BMPER: variants seen among roughly 807,000 people sequenced by gnomAD.
The protein encoded by BMPER is BMP-binding endothelial regulator protein.
In BMPER, 45 loss-of-function variants were observed where a neutral mutation model predicts 87.3. That is an observed-to-expected ratio of 0.52 (90% CI 0.41 to 0.66). The LOEUF is 0.66. Among genes scored for constraint, BMPER ranks in the 30% least tolerant of loss-of-function variants. The pLI is 0.00. For synonymous variants in BMPER, 326 were observed against 316.2 expected (o/e 1.03, Z -0.33); for missense variants, 784 against 867.5 (o/e 0.90, Z 1.21).
At chr7:34,000,452 G>A (rs1032136299) in intron 6 of BMPER, among the ~76,000 whole-genome samples, 5 of 152,038 alleles carry the variant, frequency 3.3e-5, no homozygotes, top group East Asian at 1.9e-4. Context: ...AAATTTCCTA[G>A]TGTGTATTAT....
At chr7:34,090,250 AGTGTACT>A (rs758227410) in intron 13 of BMPER, among the ~76,000 whole-genome samples, 1 of 152,222 alleles carries the variant, frequency 6.6e-6, no homozygotes, top group Non-Finnish European at 1.5e-5. Flanking sequence ...CTGGAGAGGC[AGTGTACT>A]GTGTACCCAC....
chr7:34,104,275 G>A (rs572738310), intron 13 of BMPER, among the ~76,000 whole-genome samples: 3 of 152,184 alleles, frequency 2.0e-5, no homozygotes, highest in East Asian at 1.9e-4. Flanking sequence ...ATATACTACC[G>A]TGATTCCTCT....
chr7:34,130,149 G>A (rs1314127368), intron 13 of BMPER, among the ~76,000 whole-genome samples: 2 of 151,140 alleles, frequency 1.3e-5, no homozygotes, highest in Admixed American at 1.3e-4. Context: ...TTCCTTCCCC[G>A]CTTTGATGCA....
chr7:34,017,227 C>T (rs973570372), intron 6 of BMPER, among the ~76,000 whole-genome samples: 2 of 151,754 alleles, frequency 1.3e-5, no homozygotes, highest in African/African-American at 4.8e-5. Context: ...AAAGTGCTGC[C>T]TTGTCATGCT....
chr7:34,150,251 C>T (rs1308334508), intron 14 of BMPER, among the ~76,000 whole-genome samples: 3 of 152,318 alleles, frequency 2.0e-5, no homozygotes, highest in South Asian at 2.1e-4. Context: ...GAATGAGTCT[C>T]TGAGTGACTG....
chr7:34,022,032 A>G (rs2127946481), intron 6 of BMPER, among the ~76,000 whole-genome samples: 1 of 152,118 alleles, frequency 6.6e-6, no homozygotes, highest in East Asian at 1.9e-4. Context: ...CAAAAAATTT[A>G]ATAATTGTTC....
At chr7:33,939,601 G>T (rs922151610) in intron 3 of BMPER, among the ~76,000 whole-genome samples, 1 of 152,178 alleles carries the variant, frequency 6.6e-6, no homozygotes. Context: ...GGAGGTAATT[G>T]AATCATGAGG....
chr7:34,059,912 C>A (rs1255134256), intron 10 of BMPER, among the ~76,000 whole-genome samples: 2 of 152,002 alleles, frequency 1.3e-5, no homozygotes, highest in Non-Finnish European at 2.9e-5. Context: ...CTGCAACTCC[C>A]CCAGAGGCAA....
intron 2 of BMPER, among the ~76,000 whole-genome samples, chr7:33,912,841 C>T (rs1169750355): frequency 6.6e-6 from 1 of 152,162 alleles, no homozygotes; most frequent in Non-Finnish European, 1.5e-5. Context: ...CTATAAAACA[C>T]CACTCAAGGC....
intron 13 of BMPER, among the ~76,000 whole-genome samples, chr7:34,136,377 A>T (rs187990050): frequency 6.6e-6 from 1 of 152,204 alleles, no homozygotes; most frequent in Non-Finnish European, 1.5e-5. Context: ...CATTGTTTTC[A>T]TAGGTATAAT....
chr7:33,982,664 T>C (rs1037883701), intron 6 of BMPER, among the ~76,000 whole-genome samples: 1 of 152,184 alleles, frequency 6.6e-6, no homozygotes, highest in Non-Finnish European at 1.5e-5. Context: ...ATAGTTGTGG[T>C]TTACCTGTCA....
intron 6 of BMPER, among the ~76,000 whole-genome samples, chr7:33,974,992 T>C (rs1785648657): frequency 6.6e-6 from 1 of 152,182 alleles, no homozygotes. Flanking sequence ...TTCATGGGCC[T>C]GTCCTGTGTG....
chr7:34,023,072 C>T (rs1282061749), intron 6 of BMPER, among the ~76,000 whole-genome samples: 1 of 152,066 alleles, frequency 6.6e-6, no homozygotes, highest in East Asian at 1.9e-4. Context: ...GAAACATCTT[C>T]TCATGAAAGT....
intron 6 of BMPER, among the ~76,000 whole-genome samples, chr7:34,003,045 A>T (rs578174293): frequency 6.6e-6 from 1 of 151,670 alleles, no homozygotes; most frequent in South Asian, 2.1e-4. Flanking sequence ...TTTTTATCTG[A>T]TGTTTTGCTG....
chr7:34,056,177 G>A (rs1788279499), intron 9 of BMPER, among the ~76,000 whole-genome samples: 1 of 152,194 alleles, frequency 6.6e-6, no homozygotes, highest in South Asian at 2.1e-4. Context: ...TTATAAGTGG[G>A]AGCCAAATGA....
At chr7:33,937,673 A>C (rs1784640426) in intron 3 of BMPER, 4 of 446,544 alleles carry the variant, frequency 9.0e-6, no homozygotes, top group Non-Finnish European at 1.7e-5. Flanking sequence ...CGTAGAGAAG[A>C]GTCAACCACC....
At chr7:33,908,039 A>T (rs1018861161) in intron 2 of BMPER, among the ~76,000 whole-genome samples, 1 of 152,186 alleles carries the variant, frequency 6.6e-6, no homozygotes, top group African/African-American at 2.4e-5. Flanking sequence ...TGACACAATA[A>T]ATATTGCTGC....
At chr7:33,973,885 C>T (rs570484757) in intron 5 of BMPER, among the ~76,000 whole-genome samples, 1 of 152,216 alleles carries the variant, frequency 6.6e-6, no homozygotes, top group East Asian at 1.9e-4. Flanking sequence ...TGCATCGTGC[C>T]ATTTATGACC....
chr7:34,079,110 C>T lies in BMPER; in HGVS notation c.1332C>T (p.Arg444=). Reference sequence around the variant, plus strand: ...TCACCGTGCGCTGGAACGGCTCGCGCATCGCGCTCCCCTGCCGCGCGCCAC... The same window carrying T: ...TCACCGTGCGCTGGAACGGCTCGCGTATCGCGCTCCCCTGCCGCGCGCCAC... The part of the protein sequence containing the change: ...QHLTVRWNGS[R]IALPCRAPHF... Residue 444 remains arginine, a synonymous_variant, in exon 12 of 15, where the codon CGC becomes CGT. Coordinates refer to ENST00000649409, the MANE Select transcript of BMPER (RefSeq NM_001365308.1). The T allele has an allele frequency of 6.2e-7, 1 of 1,613,592 alleles. No individual in the cohort carries two copies. Among genetic ancestry groups the T allele is most frequent in the South Asian group, 1.1e-5 (1 of 91,038 alleles).
Sources: gnomAD v4.1 joint callset for allele counts (sites outside exome capture counted in the v4.1 genomes callset) on GRCh38, gnomAD v4.1.1 for gene constraint, MANE v1.5 for transcripts, NCBI Gene and HGNC (gene_info 2026-07-23, HGNC 2026-07-21) for gene names.